MOCOS: variants seen among roughly 807,000 people sequenced by gnomAD.
MOCOS encodes the protein human molybdenum cofactor sulfurase.
Under a neutral mutation model 83.6 loss-of-function variants are expected in MOCOS, and 86 were observed. The observed-to-expected ratio is 1.03, with a 90% CI of 0.86 to 1.23. The LOEUF (loss-of-function observed/expected upper bound fraction) is 1.23. Ranked by LOEUF, MOCOS falls within the 50% of genes most tolerant of loss-of-function variation. The pLI is 0.00. For synonymous variants in MOCOS, 445 were observed against 434.7 expected, an observed-to-expected ratio of 1.02 and a Z score of -0.29; for missense variants, 1,120 against 1,126.9, an observed-to-expected ratio of 0.99 and a Z score of 0.09.
At position 36,251,251 on chromosome 18, in the gene MOCOS, C is replaced by G; in HGVS notation, c.2132C>G (p.Ser711Cys). The change falls in exon 11 of 15, where the codon TCT becomes TGT. Residue 711 changes from serine (S) to cysteine (C), a missense_variant. By Grantham distance (112) the Ser-to-Cys change is moderately radical. Coordinates refer to ENST00000261326, the MANE Select transcript of MOCOS (RefSeq NM_017947.4). ...CATTTGATCAAACAAAGTTCAAACT[C>G]TCAAAGGAATGCAAAGAAGAAACAT... is the stretch of plus-strand genomic sequence containing the variant. ...PCHLIKQSSN[S>C]QRNAKKKHGK... 1.2e-6 allele frequency: 2 copies of G among 1,614,050 alleles called. No individual in the cohort carries two copies. The highest frequency in any genetic ancestry group is 1.7e-6 in the Non-Finnish European group (2 of 1,179,976).
intron 9 of MOCOS, among the ~76,000 whole-genome samples, chr18:36,238,717 T>C (rs2091569161): frequency 9.3e-6 from 1 of 107,174 alleles, no homozygotes; most frequent in Non-Finnish European, 2.2e-5. Flanking sequence ...TTGATCTGTC[T>C]AATGTTTACA....
chr18:36,236,707 G>A (rs917637135), intron 9 of MOCOS, among the ~76,000 whole-genome samples: 6 of 142,136 alleles, frequency 4.2e-5, no homozygotes, highest in East Asian at 2.0e-4. Flanking sequence ...CATTGAATCT[G>A]TAAATTACCT....
At chr18:36,251,564 T>C (rs1463064509) in intron 11 of MOCOS, among the ~76,000 whole-genome samples, 2 of 152,112 alleles carry the variant, frequency 1.3e-5, no homozygotes, top group African/African-American at 2.4e-5. Context: ...ATTAATCCAA[T>C]TGTATTAAAT....
chr18:36,207,613 T>C (rs1483167047), intron 6 of MOCOS, among the ~76,000 whole-genome samples: 1 of 152,204 alleles, frequency 6.6e-6, no homozygotes, highest in African/African-American at 2.4e-5. Flanking sequence ...TAAGGGTCTG[T>C]TCATGTTCTT....
chr18:36,265,035 C>T (rs942348492), intron 13 of MOCOS, among the ~76,000 whole-genome samples: 1 of 152,126 alleles, frequency 6.6e-6, no homozygotes, highest in Non-Finnish European at 1.5e-5. Context: ...CTTTTATTGG[C>T]AAAAATAAAG....
chr18:36,216,853 A>G (rs1276913548), intron 8 of MOCOS, among the ~76,000 whole-genome samples: 3 of 152,226 alleles, frequency 2.0e-5, no homozygotes, highest in Non-Finnish European at 4.4e-5. Flanking sequence ...CATCACCAAC[A>G]TTGGGACAAA....
At chr18:36,268,479 T>A (rs1449124186) in intron 14 of MOCOS, 54 bp from the exon 15 acceptor site, 1 of 1,611,700 alleles carries the variant, frequency 6.2e-7, no homozygotes, top group Non-Finnish European at 8.5e-7. Flanking sequence ...CAAAGTTATT[T>A]TAATTGCTAA....
chr18:36,194,704 G>A (rs948016574), intron 1 of MOCOS, among the ~76,000 whole-genome samples: 2 of 152,246 alleles, frequency 1.3e-5, no homozygotes, highest in Non-Finnish European at 1.5e-5. Flanking sequence ...CATTCACACA[G>A]TGAGGAATCC....
intron 4 of MOCOS, among the ~76,000 whole-genome samples, chr18:36,201,663 C>CAAAAAAAA (rs200846253): frequency 0.013 from 871 of 69,382 alleles, 79 homozygotes; most frequent in African/African-American, 0.02. Flanking sequence ...ACTCCATCTC[C>CAAAAAAAA]AAAAAAAAAA....
rs528557099 is a variant in MOCOS at position 36,195,396 on chromosome 18, A to G, written c.232+50A>G. 197 of 1,431,550 alleles carry G rather than the reference A, an allele frequency of 1.4e-4. 1 individual carries two copies. The South Asian group carries it at 2.0e-3, about 15-fold the overall frequency. 88.7% of individuals were successfully genotyped at this position (1,431,550 alleles called of 1,614,324 possible). ...TTTTAGTCAACTACATGCAGCTGAT[A>G]TACCTGTGCATGTTAAACGCTGGAT... On this transcript the variant is annotated intron_variant, in intron 2 of 14. Transcript: ENST00000261326.
chr18:36,200,226 G>A lies in MOCOS; in HGVS notation c.843G>A (p.Ala281=), dbSNP rs745906344. The A allele has an allele frequency of 3.4e-5, 55 of 1,614,050 alleles. No homozygotes were observed. Among genetic ancestry groups the A allele is most frequent in the Non-Finnish European group, 3.9e-5 (46 of 1,180,030 alleles). The change falls in exon 4 of 15, where the codon GCG becomes GCA. Residue 281 remains alanine, a synonymous_variant. Transcript: ENST00000261326. ...GLGALLVHNR[A]APLLRKTYFG... ...GCGCTCTGCTGGTCCATAATCGTGC[G>A]GCTCCTCTACTGAGGAAGACCTACT...
rs77632154 is a variant in MOCOS at position 36,200,050 on chromosome 18, C to T, written c.667C>T (p.Arg223Trp). ...CTGGATAGAAGAGGTCAAGTCTGGG[C>T]GGTTGCACCCTGTGAGCACGCCTGG... ...LSWIEEVKSG[R>W]LHPVSTPGKW... Residue 223 changes from arginine to tryptophan, a missense_variant, in exon 4 of 15, where the codon CGG becomes TGG. Physicochemically the swap from Arg to Trp is moderately radical, Grantham distance 101 (BLOSUM62 -3). Transcript: ENST00000261326. 233 of 1,614,178 alleles carry T rather than the reference C, an allele frequency of 1.4e-4. 1 individual carries two copies. In the African/African-American group the frequency reaches 2.3e-3, roughly 16 times the overall value.
At chr18:36,244,077 C>G (rs527370) in intron 9 of MOCOS, among the ~76,000 whole-genome samples, 67,940 of 151,520 alleles carry the variant, frequency 0.45, 15,598 homozygotes, top group African/African-American at 0.54. Context: ...GCTTTTTGTT[C>G]TATTTATCTT....
At chr18:36,268,455 A>G in intron 14 of MOCOS, 78 bp from the exon 15 acceptor site, 1 of 1,586,230 alleles carries the variant, frequency 6.3e-7, no homozygotes, top group Non-Finnish European at 8.6e-7. Context: ...ATTTTAGTTA[A>G]ACATTAATAT....
rs1052512723 is a variant in MOCOS at position 36,247,211 on chromosome 18, C to G, written c.1961-1711C>G. 4.6e-5 allele frequency among the ~76,000 whole-genome samples: 7 copies of G among 152,314 alleles called. 1 individual carries two copies. Among genetic ancestry groups the G allele is most frequent in the African/African-American group, 1.7e-4 (7 of 41,568 alleles). The stretch of plus-strand genomic sequence containing the variant: ...CCAGTCTCACTCCCACTGTGCCTCC[C>G]CAGCAGCACTGAGGTTTCTGTACAG... On this transcript the variant is annotated intron_variant, in intron 9 of 14. Coordinates refer to ENST00000261326, the MANE Select transcript of MOCOS (RefSeq NM_017947.4).
Position 36,213,543 on chromosome 18 carries a change from G to A in MOCOS, c.1335+61G>A. 2.9e-6 allele frequency: 4 copies of A among 1,388,722 alleles called. No individual in the cohort carries two copies. The South Asian group carries it at 4.6e-5, about 16-fold the overall frequency. The allele number at this position is 1,388,722 out of a possible 1,614,324, so 86.0% of individuals were successfully genotyped here. ...GCGAGACCCAGCAACACCTGTTGCT[G>A]CCTGTGTGTCTGGGGTGGGGGCTGC... On this transcript the variant is annotated intron_variant, in intron 7 of 14. Transcript: ENST00000261326.
In MOCOS at chr18:36,215,821, T is replaced by G. The variant is rs761521174; in HGVS notation, c.1641T>G (p.Thr547=). 4 of 1,614,232 alleles carry G rather than the reference T, an allele frequency of 2.5e-6. No individual in the cohort carries two copies. The highest frequency in any genetic ancestry group is 2.2e-5 in the East Asian group (1 of 44,878). The change falls in exon 8 of 15, where the codon ACT becomes ACG. Residue 547 remains threonine, a synonymous_variant. Transcript: ENST00000261326. ...CCAGGGTTTGGAACAACTCGTCTAC[T>G]GTGAATGCTGTGCCTGTGGCCCCAC... is the stretch of plus-strand genomic sequence containing the variant. ...TGSRVWNNSS[T]VNAVPVAPPV... is the part of the protein sequence containing the mutation.
intron 9 of MOCOS, among the ~76,000 whole-genome samples, chr18:36,247,690 G>A (rs970288301): frequency 2.0e-5 from 3 of 151,554 alleles, no homozygotes; most frequent in Non-Finnish European, 4.4e-5. Context: ...TCCCCAATGG[G>A]GATGTGTGTT....
chr18:36,198,865 C>T, intron 3 of MOCOS, 109 bp downstream of exon 3: 2 of 1,194,974 alleles, frequency 1.7e-6, no homozygotes, highest in Non-Finnish European at 2.5e-6. Context: ...AGGAGGATCA[C>T]AGTTGGCTAA....
Sources: allele counts gnomAD v4.1 joint callset (sites outside exome capture counted in the v4.1 genomes callset), GRCh38; gene constraint gnomAD v4.1.1; transcripts MANE v1.5; gene names NCBI Gene and HGNC (gene_info 2026-07-23, HGNC 2026-07-21).